DIS3L2: variants seen among roughly 807,000 people sequenced by gnomAD.
DIS3L2 encodes the protein DIS3 like 3'-5' exoribonuclease 2.
A neutral mutation model predicts 97.5 loss-of-function variants in DIS3L2; 34 were observed. The ratio of observed to expected loss-of-function variants is 0.35; its 90% CI spans 0.27 to 0.46. DIS3L2 has a LOEUF of 0.46. Among genes scored for constraint, DIS3L2 ranks in the 20% least tolerant of loss-of-function variants. The pLI is 1.00. For synonymous variants in DIS3L2, 435 were observed against 445.2 expected, an observed-to-expected ratio of 0.98 and a Z score of 0.29; for missense variants, 1,038 against 1,146.0, an observed-to-expected ratio of 0.91 and a Z score of 1.36.
intron 5 of DIS3L2, among the ~76,000 whole-genome samples, chr2:232,052,683 C>G (rs901968714): frequency 6.6e-6 from 1 of 152,194 alleles, no homozygotes; most frequent in Non-Finnish European, 1.5e-5. Flanking sequence ...CTGCATGTGT[C>G]TCTTCCTCTT....
chr2:232,330,969 C>T (rs1392386065), intron 16 of DIS3L2, among the ~76,000 whole-genome samples, 193 bp downstream of exon 16: 2 of 152,226 alleles, frequency 1.3e-5, no homozygotes, highest in Non-Finnish European at 2.9e-5. Context: ...GGAGGGGGCA[C>T]CCTGAGCCTC....
intron 5 of DIS3L2, among the ~76,000 whole-genome samples, chr2:232,035,459 C>T (rs1431528936): frequency 6.6e-6 from 1 of 152,168 alleles, no homozygotes; most frequent in Non-Finnish European, 1.5e-5. Context: ...TCCAATTTGC[C>T]AGCCTGTGCC....
Position 232,229,085 on chromosome 2 carries a change from A to G in DIS3L2, c.1205-9448A>G, listed in dbSNP as rs183391812. Among the ~76,000 whole-genome samples the G allele has an allele frequency of 9.7e-4, 147 of 152,104 alleles. 1 individual carries two copies. Among genetic ancestry groups the G allele is most frequent in the Non-Finnish European group, 1.6e-3 (109 of 67,980 alleles). ...GCAGTAACCTTCAACTTCTGCCTCT[A>G]TTGGCTCGTTGTTGTTTTAAAACTT... On this transcript the variant is annotated intron_variant, in intron 10 of 20. Coordinates refer to ENST00000325385, the MANE Select transcript of DIS3L2 (RefSeq NM_152383.5).
At chr2:232,333,188 TCCTCCTCC>T (rs1695809189) in intron 16 of DIS3L2, among the ~76,000 whole-genome samples, 4 of 38,540 alleles carry the variant, frequency 1.0e-4, no homozygotes, top group African/African-American at 1.9e-4. Flanking sequence ...CTCCTCCTCC[TCCTCCTCC>T]TCCTCCTCCT....
At chr2:232,118,718 G>T (rs1167714238) in intron 6 of DIS3L2, among the ~76,000 whole-genome samples, 1 of 152,162 alleles carries the variant, frequency 6.6e-6, no homozygotes, top group African/African-American at 2.4e-5. Flanking sequence ...TGCCAATTTG[G>T]CATCAAAAGC....
chr2:232,313,927 A>G (rs760247739), intron 14 of DIS3L2, among the ~76,000 whole-genome samples: 1 of 152,240 alleles, frequency 6.6e-6, no homozygotes, highest in Non-Finnish European at 1.5e-5. Context: ...ATTCACTATC[A>G]TGAGAACAGC....
downstream of DIS3L2, chr2:232,339,782 G>C: frequency 2.2e-6 from 1 of 453,570 alleles, no homozygotes; most frequent in Non-Finnish European, 4.4e-6. Context: ...AGGCAGGATG[G>C]GATGTGCAGC....
chr2:232,082,633 A>C (rs1696438846), intron 5 of DIS3L2, among the ~76,000 whole-genome samples: 1 of 152,174 alleles, frequency 6.6e-6, no homozygotes. Flanking sequence ...TGGCACTGAA[A>C]AGGTTGGAGA....
intron 10 of DIS3L2, among the ~76,000 whole-genome samples, chr2:232,237,679 T>G (rs1252586448): frequency 3.6e-5 from 3 of 83,816 alleles, no homozygotes; most frequent in Admixed American, 1.6e-4. Flanking sequence ...ATGGAGGAAA[T>G]GGTTGGGGGC....
chr2:232,329,751 G>T, intron 14 of DIS3L2, 62 bp from the exon 15 acceptor site: 1 of 1,410,778 alleles, frequency 7.1e-7, no homozygotes, highest in Non-Finnish European at 9.4e-7. Flanking sequence ...TGCAGCGTGG[G>T]AAAGCCTGCG....
intron 9 of DIS3L2, among the ~76,000 whole-genome samples, chr2:232,195,389 T>G (rs1450581243): frequency 6.6e-6 from 1 of 152,174 alleles, no homozygotes; most frequent in Non-Finnish European, 1.5e-5. Flanking sequence ...TTTTATTATT[T>G]CTCAAATCAG....
Position 232,275,003 on chromosome 2 carries a change from C to T in DIS3L2, c.1659+11563C>T, listed in dbSNP as rs1467207570. 2.0e-5 allele frequency among the ~76,000 whole-genome samples: 3 copies of T among 152,138 alleles called. No homozygotes were observed. In the East Asian group the frequency reaches 5.8e-4, roughly 29 times the overall value. On this transcript the variant is annotated intron_variant, in intron 13 of 20. Transcript: ENST00000325385. ...TCTAAGTGCCCCAGCCTTTGGGGGC[C>T]TCTGTCAGGTAGCCTGGTGTGGGTG... is the stretch of plus-strand genomic sequence containing the variant.
intron 5 of DIS3L2, among the ~76,000 whole-genome samples, chr2:232,086,643 A>ATATATATATATACACATATATATATG (rs1484154092): frequency 8.5e-5 from 7 of 81,920 alleles, no homozygotes; most frequent in African/African-American, 2.4e-4. Context: ...ATATATATAT[A>ATATATATATATACACATATATATATG]TGTATATATA....
intron 5 of DIS3L2, among the ~76,000 whole-genome samples, chr2:232,066,066 G>C (rs1574848305): frequency 6.6e-6 from 1 of 151,796 alleles, no homozygotes; most frequent in East Asian, 1.9e-4. Flanking sequence ...TAAAGATTCT[G>C]TAGGATTTTC....
At chr2:232,250,865 T>C (rs1354706301) in intron 12 of DIS3L2, among the ~76,000 whole-genome samples, 2 of 152,112 alleles carry the variant, frequency 1.3e-5, no homozygotes, top group African/African-American at 4.8e-5. Context: ...CTGAGGACTC[T>C]GAATAGTGAG....
At chr2:232,142,144 A>G (rs544344739) in intron 8 of DIS3L2, among the ~76,000 whole-genome samples, 80 of 152,222 alleles carry the variant, frequency 5.3e-4, no homozygotes, top group African/African-American at 1.7e-3. Flanking sequence ...TACCAGATCT[A>G]TAGAGTTTGT....
chr2:232,259,761 G>C (rs1289249735), intron 12 of DIS3L2: 1 of 152,124 alleles, frequency 6.6e-6, no homozygotes, highest in Non-Finnish European at 1.5e-5. Context: ...TGGGATTACA[G>C]GTGCGCACTA....
intron 5 of DIS3L2, among the ~76,000 whole-genome samples, chr2:232,059,218 A>T (rs755880970): frequency 2.0e-5 from 3 of 152,252 alleles, no homozygotes; most frequent in Non-Finnish European, 4.4e-5. Flanking sequence ...TGGCAGAACC[A>T]GCTTACATTG....
intron 9 of DIS3L2, among the ~76,000 whole-genome samples, chr2:232,190,542 A>G (rs560888014): frequency 6.6e-6 from 1 of 152,198 alleles, no homozygotes; most frequent in South Asian, 2.1e-4. Flanking sequence ...TTTTGTGCTT[A>G]GGTTCTCAAA....
Sources: gnomAD v4.1 joint callset for allele counts (sites outside exome capture counted in the v4.1 genomes callset) on GRCh38, gnomAD v4.1.1 for gene constraint, MANE v1.5 for transcripts, NCBI Gene and HGNC (gene_info 2026-07-23, HGNC 2026-07-21) for gene names.